SHROOM2: variants seen among roughly 807,000 people sequenced by gnomAD.
The protein encoded by SHROOM2 is shroom family member 2.
In SHROOM2, 33 loss-of-function variants were observed where a neutral mutation model predicts 75.9. The ratio of observed to expected loss-of-function variants is 0.43; its 90% CI spans 0.33 to 0.58. The LOEUF (loss-of-function observed/expected upper bound fraction) is 0.58, where lower values mean the gene tolerates loss of function less well. Ranked by LOEUF, SHROOM2 falls within the 20% of genes least tolerant of loss-of-function variation. The pLI is 0.04. For missense variants in SHROOM2, 1,434 were observed against 1,461.2 expected (o/e 0.98, Z 0.30); for synonymous variants, 655 against 663.6 (o/e 0.99, Z 0.20).
chrX:9,895,856 C>A lies in SHROOM2; in HGVS notation c.1948C>A (p.Leu650Met). ...GCAGAAGAGCCGGAGCACAGTGGCT[C>A]TGACTGCAGCAGGGGAGGCGGAGGA... ...KLQKSRSTVALTAAGEAEDGT... is the reference protein window; with the variant it reads ...KLQKSRSTVAMTAAGEAEDGT... Residue 650 changes from leucine to methionine, a missense_variant, in exon 4 of 10, where the codon CTG (leucine) becomes ATG (methionine). By Grantham distance (15) the Leu-to-Met change is conservative (BLOSUM62 2). Transcript: ENST00000380913. 8.3e-7 allele frequency: 1 copy of A among 1,204,736 alleles called. No individual in the cohort carries two copies.
chrX:9,882,767 C>T (rs1359486104), intron 2 of SHROOM2, among the ~76,000 whole-genome samples: 1 of 112,095 alleles, frequency 8.9e-6, no homozygotes, highest in African/African-American at 3.2e-5. Flanking sequence ...TCTCACCCCA[C>T]GTGAATGCTG....
chrX:9,941,322 G>A (rs948190956), intron 8 of SHROOM2, among the ~76,000 whole-genome samples: 1 of 111,570 alleles, frequency 9.0e-6, no homozygotes, highest in Non-Finnish European at 1.9e-5. Flanking sequence ...GGAAAGCCAC[G>A]CACTGCAAGA....
chrX:9,859,640 C>T (rs999544323), intron 1 of SHROOM2, among the ~76,000 whole-genome samples: 2 of 111,469 alleles, frequency 1.8e-5, no homozygotes, highest in African/African-American at 6.5e-5. Context: ...ATGGTGTTTC[C>T]AGAGGGGACC....
At chrX:9,812,882 C>T (rs1192501568) in intron 1 of SHROOM2, among the ~76,000 whole-genome samples, 1 of 112,270 alleles carries the variant, frequency 8.9e-6, no homozygotes, top group Non-Finnish European at 1.9e-5. Flanking sequence ...GGCCGCATAC[C>T]AGGTACCAGG....
intron 1 of SHROOM2, among the ~76,000 whole-genome samples, chrX:9,822,117 A>G (rs759735967): frequency 8.9e-6 from 1 of 112,163 alleles, no homozygotes; most frequent in South Asian, 3.7e-4. Context: ...CTAAGCTGTG[A>G]TTTTTGGTGC....
intron 1 of SHROOM2, among the ~76,000 whole-genome samples, chrX:9,823,062 C>CCCTT (rs1569142161): frequency 9.5e-5 from 6 of 63,126 alleles, no homozygotes; most frequent in African/African-American, 3.2e-4. Flanking sequence ...TCCTCCTCCT[C>CCCTT]CTCCTCCTCC....
At chrX:9,806,500 ATG>A (rs1167737485) in intron 1 of SHROOM2, among the ~76,000 whole-genome samples, 1 of 104,325 alleles carries the variant, frequency 9.6e-6, no homozygotes, top group African/African-American at 3.7e-5. Flanking sequence ...GTGTATATAT[ATG>A]TGTGTGTATA....
chrX:9,937,974 C>T (rs189115637), intron 7 of SHROOM2, among the ~76,000 whole-genome samples: 120 of 111,014 alleles, frequency 1.1e-3, no homozygotes, highest in African/African-American at 3.5e-3. Flanking sequence ...TCTCCTTTCT[C>T]GTAAGACAGC....
chrX:9,934,122 G>A (rs1043078948), intron 6 of SHROOM2, among the ~76,000 whole-genome samples: 1 of 111,534 alleles, frequency 9.0e-6, no homozygotes, highest in Non-Finnish European at 1.9e-5. Context: ...CTGTAGAGCC[G>A]CACGCCCAGC....
In SHROOM2 at chrX:9,932,722, C is replaced by T; in HGVS notation, c.3439C>T (p.Leu1147=). ...TGTGAGCGGGGACGCATCACGTCCTCTGCCAGAAGCACTGCTCCCTCCCAA... is the reference window on the plus strand; with the variant it reads ...TGTGAGCGGGGACGCATCACGTCCTTTGCCAGAAGCACTGCTCCCTCCCAA... ...QHVSGDASRP[L]PEALLPPKQQ... is the part of the protein sequence containing the mutation. The change falls in exon 6 of 10, where the codon CTG becomes TTG. Residue 1147 remains leucine, a synonymous_variant. Transcript: ENST00000380913. The T allele has an allele frequency of 8.3e-7, 1 of 1,211,338 alleles. No homozygotes were observed. Among genetic ancestry groups the T allele is most frequent in the African/African-American group, 1.7e-5 (1 of 57,921 alleles).
intron 2 of SHROOM2, among the ~76,000 whole-genome samples, chrX:9,888,888 G>A (rs1422809006): frequency 1.8e-5 from 2 of 112,356 alleles, no homozygotes; most frequent in African/African-American, 3.2e-5. Context: ...AGTTATTCCC[G>A]AAGCAGGGCT....
At chrX:9,831,901 C>T (rs1468588282) in intron 1 of SHROOM2, among the ~76,000 whole-genome samples, 1 of 110,466 alleles carries the variant, frequency 9.1e-6, no homozygotes, top group African/African-American at 3.3e-5. Context: ...CCCAAAGGCC[C>T]CACCTCCTAA....
Position 9,939,251 on chromosome X carries a change from A to G in SHROOM2, c.4196A>G (p.Tyr1399Cys), listed in dbSNP as rs770846210. 8.3e-7 allele frequency: 1 copy of G among 1,209,506 alleles called. No homozygotes were observed. Reference protein sequence around the residue: ...AVSLATNSTYYSTSAPKAELL... With the variant: ...AVSLATNSTYCSTSAPKAELL... ...TCCCTGGCCACCAATTCTACCTACTACAGCACGTCGGCCCCCAAGGCGGAG... is the reference window on the plus strand; with the variant it reads ...TCCCTGGCCACCAATTCTACCTACTGCAGCACGTCGGCCCCCAAGGCGGAG... Residue 1399 changes from tyrosine (Y) to cysteine (C), a missense_variant, in exon 8 of 10, where the codon TAC becomes TGC. By Grantham distance (194) the Tyr-to-Cys change is radical. Coordinates refer to ENST00000380913, the MANE Select transcript of SHROOM2 (RefSeq NM_001649.4).
chrX:9,789,347 C>A (rs189908928), intron 1 of SHROOM2, among the ~76,000 whole-genome samples: 3 of 111,291 alleles, frequency 2.7e-5, no homozygotes, highest in Non-Finnish European at 5.7e-5. Context: ...AGAACCTCCG[C>A]TGACAGATGG....
At chrX:9,905,332 A>G (rs1304012004) in intron 5 of SHROOM2, among the ~76,000 whole-genome samples, 2 of 113,112 alleles carry the variant, frequency 1.8e-5, no homozygotes, top group East Asian at 5.5e-4. Flanking sequence ...TCTCAATATA[A>G]ATAGAAAATG....
At chrX:9,847,813 T>A (rs1015159955) in intron 1 of SHROOM2, among the ~76,000 whole-genome samples, 7 of 112,338 alleles carry the variant, frequency 6.2e-5, no homozygotes, top group Non-Finnish European at 1.3e-4. Context: ...TCTTGGACAC[T>A]TACAGTGTTG....
intron 1 of SHROOM2, among the ~76,000 whole-genome samples, chrX:9,795,802 T>A (rs754544763): frequency 1.8e-5 from 2 of 110,406 alleles, no homozygotes; most frequent in Non-Finnish European, 3.8e-5. Context: ...TTAATAAACT[T>A]CTGGTGTAGT....
chrX:9,814,938 C>T (rs2083810904), intron 1 of SHROOM2, among the ~76,000 whole-genome samples: 1 of 111,501 alleles, frequency 9.0e-6, no homozygotes, highest in Non-Finnish European at 1.9e-5. Flanking sequence ...TCCACAATTT[C>T]AGCTCTTTCT....
chrX:9,854,251 C>T (rs1022924795), intron 1 of SHROOM2, among the ~76,000 whole-genome samples: 3 of 112,656 alleles, frequency 2.7e-5, no homozygotes, highest in Non-Finnish European at 5.6e-5. Flanking sequence ...GAAGAAATGC[C>T]ACTCAAACCT....
Sources: allele counts gnomAD v4.1 joint callset (sites outside exome capture counted in the v4.1 genomes callset), GRCh38; gene constraint gnomAD v4.1.1; transcripts MANE v1.5; gene names NCBI Gene and HGNC (gene_info 2026-07-23, HGNC 2026-07-21).